EML6: variants seen among roughly 807,000 people sequenced by gnomAD.
EML6 encodes the protein echinoderm microtubule-associated protein-like 6.
In EML6, 154 loss-of-function variants were observed where a neutral mutation model predicts 240.1. That is an observed-to-expected ratio of 0.64 (90% CI 0.56 to 0.73). EML6 has a LOEUF of 0.73. Among genes scored for constraint, EML6 ranks in the 30% least tolerant of loss-of-function variants. The probability of loss-of-function intolerance (pLI) is 0.00; values close to 1 mark genes in which losing one functional copy is unlikely to be tolerated. For synonymous variants in EML6, 1,148 were observed against 899.0 expected, an observed-to-expected ratio of 1.28 and a Z score of -4.95; for missense variants, 2,964 against 2,474.6, an observed-to-expected ratio of 1.20 and a Z score of -4.20.
chr2:54,928,618 G>C lies in EML6; in HGVS notation c.3878-7G>C. The C allele has an allele frequency of 6.4e-7, 1 of 1,552,186 alleles. No homozygotes were observed. Among genetic ancestry groups the C allele is most frequent in the Non-Finnish European group, 8.7e-7 (1 of 1,147,098 alleles). On this transcript the variant is annotated splice_polypyrimidine_tract_variant and splice_region_variant and intron_variant, in intron 27 of 41. Coordinates refer to ENST00000356458, the MANE Select transcript of EML6 (RefSeq NM_001039753.4). ...ACTGGCTCCCCAATCTCTTTCTGTT[G>C]TTTGAGGCTATGACAGCGATGTTGC...
intron 26 of EML6, 34 bp downstream of exon 26, chr2:54,916,969 A>ATTTTTATTAACCTTAATAACCTTAATATT (rs1558683466): frequency 6.8e-7 from 1 of 1,462,558 alleles, no homozygotes; most frequent in Non-Finnish European, 9.3e-7. Context: ...TTACTTGCTC[A>ATTTTTATTAACCTTAATAACCTTAATATT]GTCTCCTTAA....
intron 24 of EML6, among the ~76,000 whole-genome samples, chr2:54,910,008 T>TG (rs1349677092): frequency 9.9e-5 from 15 of 152,030 alleles, no homozygotes; most frequent in Non-Finnish European, 2.2e-4. Context: ...TACATAGTTA[T>TG]GGGAAAAAAC....
At chr2:54,793,773 G>A (rs1669601961) in intron 2 of EML6, among the ~76,000 whole-genome samples, 1 of 152,266 alleles carries the variant, frequency 6.6e-6, no homozygotes, top group South Asian at 2.1e-4. Flanking sequence ...GTGAGTAGGG[G>A]CAGCAGTGGC....
At chr2:54,831,901 G>A (rs1179929415) in intron 7 of EML6, among the ~76,000 whole-genome samples, 4 of 152,158 alleles carry the variant, frequency 2.6e-5, no homozygotes, top group African/African-American at 7.2e-5. Context: ...TGCTGCTGAC[G>A]ACCAGTACTC....
intron 9 of EML6, among the ~76,000 whole-genome samples, chr2:54,848,628 C>T (rs1669903730): frequency 6.6e-6 from 1 of 151,782 alleles, no homozygotes; most frequent in African/African-American, 2.4e-5. Context: ...GTATGAGCGA[C>T]TGTTATGTAG....
intron 32 of EML6, among the ~76,000 whole-genome samples, chr2:54,956,645 C>T (rs1304374780): frequency 6.6e-6 from 1 of 151,962 alleles, no homozygotes; most frequent in Non-Finnish European, 1.5e-5. Context: ...CCCCTAGCCT[C>T]GCCTGGAAAG....
intron 2 of EML6, among the ~76,000 whole-genome samples, chr2:54,796,367 T>C (rs1368298463): frequency 6.6e-6 from 1 of 152,186 alleles, no homozygotes; most frequent in Non-Finnish European, 1.5e-5. Flanking sequence ...GACCTATTTC[T>C]TCAGAGAATC....
At chr2:54,927,635 G>A (rs945083633) in intron 26 of EML6, among the ~76,000 whole-genome samples, 1 of 152,168 alleles carries the variant, frequency 6.6e-6, no homozygotes, top group African/African-American at 2.4e-5. Context: ...ATGAGCAGCT[G>A]ACTCACATTC....
At chr2:54,747,963 G>A (rs564226448) in intron 2 of EML6, among the ~76,000 whole-genome samples, 2 of 152,140 alleles carry the variant, frequency 1.3e-5, no homozygotes, top group Admixed American at 1.3e-4. Flanking sequence ...CTAATTTTGT[G>A]CTTGGTTAAA....
At chr2:54,816,682 A>G (rs536063460) in intron 3 of EML6, 105 bp from the exon 4 acceptor site, 9 of 884,704 alleles carry the variant, frequency 1.0e-5, no homozygotes, top group East Asian at 5.4e-5. Flanking sequence ...TCGGTTTGTT[A>G]TAAGAAATTC....
chr2:54,849,181 A>G (rs1021195307), intron 9 of EML6, among the ~76,000 whole-genome samples: 2 of 152,240 alleles, frequency 1.3e-5, no homozygotes, highest in African/African-American at 4.8e-5. Context: ...TTCAGGGTAC[A>G]TGTAATTGAA....
intron 2 of EML6, among the ~76,000 whole-genome samples, chr2:54,800,904 G>A (rs568035249): frequency 4.6e-5 from 7 of 152,150 alleles, no homozygotes; most frequent in Non-Finnish European, 1.0e-4. Context: ...CTCTGGAACA[G>A]GAGCTGGTAA....
chr2:54,923,806 C>T (rs1187094249), intron 26 of EML6, among the ~76,000 whole-genome samples: 6 of 152,140 alleles, frequency 3.9e-5, no homozygotes, highest in Admixed American at 2.0e-4. Flanking sequence ...CATGCCCCCT[C>T]CCTCCCTCAG....
At chr2:54,866,908 C>A in intron 14 of EML6, 24 bp downstream of exon 14, 3 of 1,379,844 alleles carry the variant, frequency 2.2e-6, no homozygotes, top group South Asian at 1.2e-5. Flanking sequence ...CATGGGCGCC[C>A]GTATGTGTTC....
intron 2 of EML6, among the ~76,000 whole-genome samples, chr2:54,804,677 G>A (rs1329027107): frequency 6.6e-6 from 1 of 152,188 alleles, no homozygotes; most frequent in Non-Finnish European, 1.5e-5. Context: ...CAGAACAATG[G>A]AGACACAAAA....
intron 28 of EML6, among the ~76,000 whole-genome samples, chr2:54,934,987 GTA>G (rs1675065109): frequency 6.6e-6 from 1 of 152,148 alleles, no homozygotes; most frequent in Admixed American, 6.5e-5. Flanking sequence ...GATAAACTGA[GTA>G]TGAGTTAATT....
intron 26 of EML6, among the ~76,000 whole-genome samples, chr2:54,919,272 T>G: frequency 7.1e-6 from 1 of 141,788 alleles, no homozygotes; most frequent in Non-Finnish European, 1.5e-5. Context: ...TTCAAAAGTC[T>G]TATTTTTTGT....
At chr2:54,770,214 G>T (rs1668349122) in intron 2 of EML6, among the ~76,000 whole-genome samples, 1 of 152,166 alleles carries the variant, frequency 6.6e-6, no homozygotes, top group Non-Finnish European at 1.5e-5. Context: ...TAAGGAGATG[G>T]TGAACTATAA....
intron 5 of EML6, among the ~76,000 whole-genome samples, chr2:54,820,897 A>G (rs1030817272): frequency 2.6e-5 from 4 of 152,300 alleles, no homozygotes; most frequent in African/African-American, 9.6e-5. Flanking sequence ...AAATAGAGGA[A>G]TTCACAGTAC....
Sources: gnomAD v4.1 joint callset for allele counts (sites outside exome capture counted in the v4.1 genomes callset) on GRCh38, gnomAD v4.1.1 for gene constraint, MANE v1.5 for transcripts, NCBI Gene and HGNC (gene_info 2026-07-23, HGNC 2026-07-21) for gene names.